LRP1B: variants seen among roughly 807,000 people sequenced by gnomAD.
LRP1B encodes the protein LDL receptor related protein 1B.
In LRP1B, 217 loss-of-function variants were observed where a neutral mutation model predicts 556.6. The ratio of observed to expected loss-of-function variants is 0.39; its 90% confidence interval spans 0.35 to 0.44. LRP1B has a LOEUF of 0.44. LRP1B is among the 20% of genes least tolerant of loss of function. The probability of loss-of-function intolerance (pLI) is 1.00; values close to 1 mark genes in which losing one functional copy is unlikely to be tolerated. For synonymous variants in LRP1B, 2,047 were observed against 1,865.8 expected, an observed-to-expected ratio of 1.10 and a Z score of -2.50; for missense variants, 5,053 against 5,620.8, an observed-to-expected ratio of 0.90 and a Z score of 3.23.
chr2:140,656,111 A>G (rs1684872235), intron 41 of LRP1B, among the ~76,000 whole-genome samples: 1 of 152,216 alleles, frequency 6.6e-6, no homozygotes, highest in African/African-American at 2.4e-5. Flanking sequence ...CCACAAATAG[A>G]GAATTAATCA....
intron 41 of LRP1B, among the ~76,000 whole-genome samples, chr2:140,679,779 C>A (rs1301980013): frequency 6.6e-6 from 1 of 151,682 alleles, no homozygotes; most frequent in African/African-American, 2.4e-5. Context: ...CCACCAAGAT[C>A]CCACCTGGGT....
chr2:141,066,504 T>C (rs1699486183), intron 7 of LRP1B, among the ~76,000 whole-genome samples: 1 of 152,030 alleles, frequency 6.6e-6, no homozygotes, highest in Admixed American at 6.6e-5. Context: ...TTGTTATACA[T>C]ACTGACATCT....
At chr2:141,677,497 TA>T (rs768046083) in intron 2 of LRP1B, among the ~76,000 whole-genome samples, 35 of 152,098 alleles carry the variant, frequency 2.3e-4, no homozygotes, top group East Asian at 3.9e-4. Context: ...TGTATATATA[TA>T]TTTTTTTTTG....
At position 140,442,617 on chromosome 2, in the gene LRP1B, T is replaced by C. The variant is rs909484729; in HGVS notation, c.10301A>G (p.Asn3434Ser). ...DEEDERDCPE[N>S]SCSPDYFQCK... is the part of the protein sequence containing the mutation. Reference sequence around the variant, plus strand: ...CTGGAAATAGTCTGGAGAACAGCTGTTTTCAGCTTAGAAAGAAAACTGCCA... The same window carrying C: ...CTGGAAATAGTCTGGAGAACAGCTGCTTTCAGCTTAGAAAGAAAACTGCCA... The change falls in exon 66 of 91, where the codon AAC becomes AGC. Residue 3434 changes from asparagine to serine, a missense_variant. Physicochemically the swap from Asn to Ser is conservative, Grantham distance 46. Transcript: ENST00000389484. 1 of 1,612,482 alleles carries C rather than the reference T, an allele frequency of 6.2e-7. No individual in the cohort carries two copies. The highest frequency in any genetic ancestry group is 1.7e-5 in the Admixed American group (1 of 59,598).
At chr2:141,331,129 G>T (rs771825168) in intron 3 of LRP1B, among the ~76,000 whole-genome samples, 1 of 152,100 alleles carries the variant, frequency 6.6e-6, no homozygotes, top group Non-Finnish European at 1.5e-5. Context: ...TGTGAGAGGT[G>T]CATTGATGGC....
chr2:141,804,865 C>T (rs911407538), intron 2 of LRP1B, among the ~76,000 whole-genome samples: 2 of 151,950 alleles, frequency 1.3e-5, no homozygotes, highest in East Asian at 1.9e-4. Context: ...CAAAGATATT[C>T]GTGGAAAAAC....
At chr2:140,485,201 GT>G (rs1165299831) in intron 59 of LRP1B, 141 bp downstream of exon 59, 4 of 466,508 alleles carry the variant, frequency 8.6e-6, no homozygotes, top group East Asian at 3.3e-5. Context: ...TCACATTACT[GT>G]TTTTTTCTAT....
intron 3 of LRP1B, among the ~76,000 whole-genome samples, chr2:141,281,295 A>T (rs956756271): frequency 9.9e-5 from 15 of 152,002 alleles, no homozygotes; most frequent in African/African-American, 3.6e-4. Flanking sequence ...TACATGAAAA[A>T]GACTGTGACA....
intron 45 of LRP1B, among the ~76,000 whole-genome samples, chr2:140,538,494 G>A (rs901870941): frequency 6.6e-6 from 1 of 151,922 alleles, no homozygotes; most frequent in Non-Finnish European, 1.5e-5. Context: ...TTCTGTTCCC[G>A]AGTCAATTCA....
chr2:140,587,006 A>T (rs889990616), intron 43 of LRP1B, among the ~76,000 whole-genome samples: 1 of 152,138 alleles, frequency 6.6e-6, no homozygotes, highest in Non-Finnish European at 1.5e-5. Flanking sequence ...AGTAAAAAAA[A>T]TAGAAGAAAG....
chr2:140,666,580 T>G (rs2105349820), intron 41 of LRP1B, among the ~76,000 whole-genome samples: 1 of 152,316 alleles, frequency 6.6e-6, no homozygotes, highest in East Asian at 1.9e-4. Flanking sequence ...AAGATATTTG[T>G]ATGCCAATCT....
intron 35 of LRP1B, among the ~76,000 whole-genome samples, chr2:140,749,830 T>C (rs1688508293): frequency 6.6e-6 from 1 of 152,342 alleles, no homozygotes; most frequent in Admixed American, 6.5e-5. Flanking sequence ...TATTGTCAAG[T>C]ATTATATACT....
chr2:141,328,768 A>T (rs1307181002), intron 3 of LRP1B, among the ~76,000 whole-genome samples: 2 of 152,198 alleles, frequency 1.3e-5, no homozygotes, highest in African/African-American at 2.4e-5. Context: ...TTACTACATC[A>T]TGAATGCTGG....
chr2:140,426,605 C>T (rs112476019), intron 66 of LRP1B, among the ~76,000 whole-genome samples: 22,606 of 152,128 alleles, frequency 0.15, 2,160 homozygotes, highest in East Asian at 0.38. Flanking sequence ...CTTGTGACCC[C>T]CACATCTGCC....
chr2:140,405,878 G>A (rs1684710560), intron 66 of LRP1B, among the ~76,000 whole-genome samples: 1 of 151,904 alleles, frequency 6.6e-6, no homozygotes, highest in African/African-American at 2.4e-5. Flanking sequence ...CCAAAACCAG[G>A]AAAGGACATA....
chr2:141,039,677 C>T (rs1330043065), intron 11 of LRP1B, among the ~76,000 whole-genome samples: 3 of 151,948 alleles, frequency 2.0e-5, no homozygotes, highest in African/African-American at 4.8e-5. Context: ...TGCATATGTA[C>T]ACATGCTTAT....
At chr2:141,879,939 A>T (rs967166978) in intron 1 of LRP1B, among the ~76,000 whole-genome samples, 34 of 151,340 alleles carry the variant, frequency 2.2e-4, no homozygotes, top group African/African-American at 7.3e-4. Context: ...GTTAACCTGG[A>T]CATATACATA....
At chr2:140,970,561 C>G (rs145799468) in intron 18 of LRP1B, among the ~76,000 whole-genome samples, 1 of 152,028 alleles carries the variant, frequency 6.6e-6, no homozygotes, top group African/African-American at 2.4e-5. Flanking sequence ...CTGTTGCTGG[C>G]GAGGAGCTAC....
At chr2:140,528,949 T>A (rs553952125) in intron 47 of LRP1B, among the ~76,000 whole-genome samples, 1 of 152,190 alleles carries the variant, frequency 6.6e-6, no homozygotes, top group South Asian at 2.1e-4. Flanking sequence ...AGAAAGATAC[T>A]GAAATCTCTA....
Sources: allele counts gnomAD v4.1 joint callset (sites outside exome capture counted in the v4.1 genomes callset), GRCh38; gene constraint gnomAD v4.1.1; transcripts MANE v1.5; gene names NCBI Gene and HGNC (gene_info 2026-07-23, HGNC 2026-07-21).